The following TSHZ2 variants were observed in gnomAD, a reference collection of about 807,000 sequenced individuals.
TSHZ2 encodes the protein teashirt zinc finger homeobox 2.
A neutral mutation model predicts 74.4 loss-of-function variants in TSHZ2; 21 were observed. The ratio of observed to expected loss-of-function variants is 0.28; its 90% CI spans 0.20 to 0.41. The LOEUF is 0.41. Ranked by LOEUF, TSHZ2 falls within the 10% of genes least tolerant of loss-of-function variation. The pLI, the probability that TSHZ2 is intolerant of heterozygous loss-of-function variation, is 1.00. For synonymous variants in TSHZ2, 540 were observed against 515.3 expected, an observed-to-expected ratio of 1.05 and a Z score of -0.65; for missense variants, 1,244 against 1,293.5, an observed-to-expected ratio of 0.96 and a Z score of 0.59.
chr20:52,998,807 G>A (rs193175031), intron 1 of TSHZ2, among the ~76,000 whole-genome samples: 5 of 152,266 alleles, frequency 3.3e-5, no homozygotes, highest in East Asian at 1.9e-4. Context: ...GAACAGATGC[G>A]TGCTCTCAGG....
chr20:53,482,827 G>T (rs1310966839), intron 2 of TSHZ2, among the ~76,000 whole-genome samples: 1 of 152,070 alleles, frequency 6.6e-6, no homozygotes, highest in Non-Finnish European at 1.5e-5. Flanking sequence ...GATCACCTGA[G>T]CCCAGGAGGC....
At chr20:53,166,098 G>A (rs1230817126) in intron 1 of TSHZ2, among the ~76,000 whole-genome samples, 2 of 152,122 alleles carry the variant, frequency 1.3e-5, no homozygotes, top group Admixed American at 6.5e-5. Flanking sequence ...GGGCTGTGAC[G>A]ACAACTGGAC....
At chr20:53,100,004 G>A (rs1047375007) in intron 1 of TSHZ2, among the ~76,000 whole-genome samples, 1 of 152,144 alleles carries the variant, frequency 6.6e-6, no homozygotes, top group East Asian at 1.9e-4. Context: ...TTTGCCAAGT[G>A]AATAAGCAAG....
At chr20:53,398,046 GT>G (rs1982521103) in intron 2 of TSHZ2, 1 of 152,090 alleles carries the variant, frequency 6.6e-6, no homozygotes, top group Admixed American at 6.5e-5. Flanking sequence ...GAGTTAATGG[GT>G]GCAGCACACC....
intron 2 of TSHZ2, among the ~76,000 whole-genome samples, chr20:53,318,863 G>T (rs1169392738): frequency 6.6e-6 from 1 of 152,162 alleles, no homozygotes; most frequent in Non-Finnish European, 1.5e-5. Context: ...AGAAAAAGAG[G>T]TTTAATGGAC....
intron 1 of TSHZ2, among the ~76,000 whole-genome samples, chr20:53,249,746 G>T (rs550545088): frequency 1.3e-5 from 2 of 152,224 alleles, no homozygotes; most frequent in South Asian, 2.1e-4. Flanking sequence ...TGAGAGAGGG[G>T]CAGGGAGGTT....
At chr20:53,264,147 A>G (rs879047336) in intron 2 of TSHZ2, among the ~76,000 whole-genome samples, 4 of 152,256 alleles carry the variant, frequency 2.6e-5, no homozygotes, top group African/African-American at 9.6e-5. Flanking sequence ...TCTAATCCTT[A>G]TGATATTTAG....
intron 2 of TSHZ2, among the ~76,000 whole-genome samples, chr20:53,384,939 G>A (rs1303764268): frequency 2.6e-5 from 4 of 152,114 alleles, no homozygotes; most frequent in Non-Finnish European, 4.4e-5. Flanking sequence ...TGGCTAACAC[G>A]GTGAAACCCC....
chr20:53,135,007 GACAC>G (rs139347142), intron 1 of TSHZ2, among the ~76,000 whole-genome samples: 1,762 of 148,704 alleles, frequency 0.012, 32 homozygotes, highest in African/African-American at 0.04. Flanking sequence ...TGCACATGCA[GACAC>G]ACACACACAC....
At chr20:53,050,141 G>GTATATATATATA (rs1197922223) in intron 1 of TSHZ2, among the ~76,000 whole-genome samples, 1 of 76,436 alleles carries the variant, frequency 1.3e-5, no homozygotes, top group Non-Finnish European at 2.6e-5. Flanking sequence ...ATATATATGT[G>GTATATATATATA]TATATATATA....
intron 1 of TSHZ2, among the ~76,000 whole-genome samples, chr20:53,218,350 C>G (rs1009879154): frequency 2.6e-5 from 4 of 152,234 alleles, no homozygotes; most frequent in African/African-American, 9.6e-5. Flanking sequence ...TCAAACTTTA[C>G]AACAGTTGGC....
chr20:53,164,209 T>C (rs1035014066), intron 1 of TSHZ2, among the ~76,000 whole-genome samples: 8 of 152,170 alleles, frequency 5.3e-5, no homozygotes, highest in Non-Finnish European at 1.2e-4. Context: ...GATTACTGGA[T>C]CAAAGGGTAA....
chr20:53,006,206 C>CAATATAT (rs529285568), intron 1 of TSHZ2, among the ~76,000 whole-genome samples: 14 of 152,290 alleles, frequency 9.2e-5, no homozygotes, highest in Non-Finnish European at 2.1e-4. Context: ...TTTTACTTAA[C>CAATATAT]ATATATTGTT....
chr20:53,318,027 T>A (rs1031245643), intron 2 of TSHZ2, among the ~76,000 whole-genome samples: 2 of 152,154 alleles, frequency 1.3e-5, no homozygotes, highest in Non-Finnish European at 2.9e-5. Context: ...AGGCCAGACA[T>A]GTAGTAGGGG....
intron 2 of TSHZ2, among the ~76,000 whole-genome samples, chr20:53,341,503 T>A (rs1600819615): frequency 6.6e-6 from 1 of 151,698 alleles, no homozygotes; most frequent in South Asian, 2.1e-4. Context: ...TTTTTTTTTT[T>A]AATAGAGATG....
intron 1 of TSHZ2, among the ~76,000 whole-genome samples, chr20:53,137,282 ATATAT>A (rs1987268514): frequency 6.7e-6 from 1 of 149,162 alleles, no homozygotes; most frequent in Non-Finnish European, 1.5e-5. Context: ...CAGATGGATA[ATATAT>A]TCGTGTTTCT....
At chr20:53,433,580 CACAG>C (rs59077419) in intron 2 of TSHZ2, among the ~76,000 whole-genome samples, 2,139 of 120,002 alleles carry the variant, frequency 0.018, 46 homozygotes, top group African/African-American at 0.07. Context: ...CACACAGACA[CACAG>C]ACACACACAC....
intron 2 of TSHZ2, among the ~76,000 whole-genome samples, chr20:53,371,538 G>T (rs1981470174): frequency 1.3e-5 from 2 of 152,222 alleles, no homozygotes; most frequent in Admixed American, 1.3e-4. Flanking sequence ...CAACAGAAAT[G>T]TGCTCTCTCA....
At chr20:53,239,867 T>C (rs572205632) in intron 1 of TSHZ2, among the ~76,000 whole-genome samples, 22 of 152,308 alleles carry the variant, frequency 1.4e-4, no homozygotes, top group Middle Eastern at 6.8e-3. Context: ...TGTACACATT[T>C]ATAAAAATGT....
Sources: allele counts gnomAD v4.1 joint callset (sites outside exome capture counted in the v4.1 genomes callset), GRCh38; gene constraint gnomAD v4.1.1; transcripts MANE v1.5; gene names NCBI Gene and HGNC (gene_info 2026-07-23, HGNC 2026-07-21).